The following CDYL2 variants were observed in gnomAD, a reference collection of about 807,000 sequenced individuals.
The protein encoded by CDYL2 is chromodomain Y-like protein 2.
A neutral mutation model predicts 49.4 loss-of-function variants in CDYL2; 23 were observed. The observed-to-expected ratio is 0.47, with a 90% confidence interval of 0.34 to 0.66. CDYL2 has a LOEUF of 0.66. Among genes scored for constraint, CDYL2 ranks in the 30% least tolerant of loss-of-function variants. The probability of loss-of-function intolerance (pLI) is 0.01; values close to 1 mark genes in which losing one functional copy is unlikely to be tolerated. For missense variants in CDYL2, 678 were observed against 656.4 expected, an observed-to-expected ratio of 1.03 and a Z score of -0.36; for synonymous variants, 360 against 268.8, an observed-to-expected ratio of 1.34 and a Z score of -3.32.
Position 80,634,503 on chromosome 16 carries a change from G to C in CDYL2, c.617-1267C>G, listed in dbSNP as rs533213179. Among the ~76,000 whole-genome samples the C allele has an allele frequency of 4.6e-5, 7 of 152,246 alleles. No homozygotes were observed. In the East Asian group the frequency reaches 1.3e-3, roughly 29 times the overall value. Reference sequence around the variant, plus strand: ...ACACACCAGGGCCTGTCGTGGGGTGGGGACATGGGTGAGAGATAGTATTAG... The same window carrying C: ...ACACACCAGGGCCTGTCGTGGGGTGCGGACATGGGTGAGAGATAGTATTAG... On this transcript the variant is annotated intron_variant, in intron 2 of 6. Coordinates refer to ENST00000570137, the MANE Select transcript of CDYL2 (RefSeq NM_152342.4).
chr16:80,794,890 G>C (rs1009436700), intron 1 of CDYL2, among the ~76,000 whole-genome samples: 1 of 152,080 alleles, frequency 6.6e-6, no homozygotes, highest in African/African-American at 2.4e-5. Context: ...TGGGAGTATA[G>C]GCATGAGCCA....
chr16:80,774,959 G>C (rs1405822462), intron 1 of CDYL2, among the ~76,000 whole-genome samples: 1 of 151,534 alleles, frequency 6.6e-6, no homozygotes, highest in Non-Finnish European at 1.5e-5. Flanking sequence ...CAGAAGGTTA[G>C]CATTAAGAAA....
intron 1 of CDYL2, among the ~76,000 whole-genome samples, chr16:80,694,734 T>C (rs1910553757): frequency 6.6e-6 from 1 of 152,150 alleles, no homozygotes; most frequent in Non-Finnish European, 1.5e-5. Context: ...ACACAGATCA[T>C]GGTTTCTTAA....
chr16:80,775,674 T>G (rs918717511), intron 1 of CDYL2, among the ~76,000 whole-genome samples: 2 of 151,870 alleles, frequency 1.3e-5, no homozygotes, highest in Non-Finnish European at 2.9e-5. Context: ...ATAAATAATT[T>G]GAAACATATC....
intron 4 of CDYL2, among the ~76,000 whole-genome samples, chr16:80,615,302 G>C (rs1236185701): frequency 6.6e-6 from 1 of 152,158 alleles, no homozygotes; most frequent in Non-Finnish European, 1.5e-5. Context: ...TTTGGGGTCT[G>C]CGGGGGATAT....
chr16:80,605,200 T>C (rs1471730349), intron 6 of CDYL2, among the ~76,000 whole-genome samples: 2 of 151,752 alleles, frequency 1.3e-5, no homozygotes, highest in Non-Finnish European at 1.5e-5. Context: ...TCCACAGCTA[T>C]GATAAATGAT....
At chr16:80,758,800 C>A (rs1906410639) in intron 1 of CDYL2, among the ~76,000 whole-genome samples, 1 of 151,780 alleles carries the variant, frequency 6.6e-6, no homozygotes. Context: ...CCTCTGCCTC[C>A]CAAAGTGCCG....
chr16:80,598,452 G>T lies in CDYL2; in HGVS notation c.*5936C>A, dbSNP rs186728378. The stretch of plus-strand genomic sequence containing the variant: ...GGATCAATGATTCCATCATGAATGA[G>T]AATGGAGAGAGAACTGAAGACAATT... On this transcript the variant is annotated 3_prime_UTR_variant, in exon 7 of 7. Coordinates refer to ENST00000570137, the MANE Select transcript of CDYL2 (RefSeq NM_152342.4). 4 of 152,254 alleles carry T rather than the reference G, an allele frequency of 2.6e-5. No individual in the cohort carries two copies. The South Asian group carries it at 8.3e-4, about 32-fold the overall frequency. 9.4% of individuals were successfully genotyped at this position (152,254 alleles called of 1,614,324 possible).
At chr16:80,764,633 G>A (rs560181300) in intron 1 of CDYL2, among the ~76,000 whole-genome samples, 1 of 152,266 alleles carries the variant, frequency 6.6e-6, no homozygotes, top group Non-Finnish European at 1.5e-5. Flanking sequence ...TTAATAAACT[G>A]TCATGAGATA....
At chr16:80,715,353 T>C (rs1032071030) in intron 1 of CDYL2, among the ~76,000 whole-genome samples, 1 of 152,134 alleles carries the variant, frequency 6.6e-6, no homozygotes, top group Non-Finnish European at 1.5e-5. Context: ...TGGAAGACCA[T>C]AACCACCAAC....
intron 1 of CDYL2, among the ~76,000 whole-genome samples, chr16:80,704,485 C>A (rs1364010495): frequency 2.0e-5 from 3 of 152,196 alleles, no homozygotes; most frequent in African/African-American, 7.2e-5. Flanking sequence ...ATGGGGACAG[C>A]CAGCTTCTAA....
At chr16:80,614,699 A>G (rs983602211) in intron 4 of CDYL2, among the ~76,000 whole-genome samples, 4 of 152,040 alleles carry the variant, frequency 2.6e-5, no homozygotes, top group Admixed American at 2.0e-4. Context: ...CCCCATCTCT[A>G]CTAAAAATAC....
chr16:80,670,449 T>C (rs1909454454), intron 2 of CDYL2, among the ~76,000 whole-genome samples: 1 of 152,194 alleles, frequency 6.6e-6, no homozygotes, highest in Non-Finnish European at 1.5e-5. Context: ...ATTGTAAGTT[T>C]CCTGAGGCCT....
chr16:80,749,496 C>G (rs1232604662), intron 1 of CDYL2, among the ~76,000 whole-genome samples: 1 of 151,910 alleles, frequency 6.6e-6, no homozygotes, highest in Non-Finnish European at 1.5e-5. Flanking sequence ...GTCCAGAAAA[C>G]AATGAAAAGC....
At chr16:80,691,763 C>T (rs1910424842) in intron 1 of CDYL2, among the ~76,000 whole-genome samples, 1 of 151,764 alleles carries the variant, frequency 6.6e-6, no homozygotes, top group South Asian at 2.1e-4. Context: ...AAATATGACC[C>T]ATGTTTTTAA....
chr16:80,743,343 T>G (rs920314751), intron 1 of CDYL2, among the ~76,000 whole-genome samples: 2 of 152,214 alleles, frequency 1.3e-5, no homozygotes, highest in Admixed American at 1.3e-4. Context: ...TCTCTTCGTT[T>G]TATAAAATAG....
chr16:80,669,378 G>C (rs186141816), intron 2 of CDYL2, among the ~76,000 whole-genome samples: 1 of 152,116 alleles, frequency 6.6e-6, no homozygotes, highest in African/African-American at 2.4e-5. Flanking sequence ...TGCCCTCACT[G>C]TAAGACTCAG....
intron 1 of CDYL2, among the ~76,000 whole-genome samples, chr16:80,763,534 C>T (rs1034437721): frequency 2.0e-5 from 3 of 152,030 alleles, no homozygotes; most frequent in African/African-American, 4.8e-5. Flanking sequence ...ATCACTTGAA[C>T]CCAGAAGGCA....
At chr16:80,802,629 G>A (rs1479595979) in intron 1 of CDYL2, among the ~76,000 whole-genome samples, 1 of 152,124 alleles carries the variant, frequency 6.6e-6, no homozygotes, top group African/African-American at 2.4e-5. Context: ...CTTTCAAGGA[G>A]CTCTAAGGTC....
Sources: gnomAD v4.1 joint callset for allele counts (sites outside exome capture counted in the v4.1 genomes callset) on GRCh38, gnomAD v4.1.1 for gene constraint, MANE v1.5 for transcripts, NCBI Gene and HGNC (gene_info 2026-07-23, HGNC 2026-07-21) for gene names.